The following IDH3B variants were observed in gnomAD, a reference collection of about 807,000 sequenced individuals.
IDH3B encodes the protein isocitrate dehydrogenase (NAD(+)) 3 non-catalytic subunit beta.
IDH3B carries 40 observed loss-of-function variants against 47.5 expected under a neutral mutation model. That is an observed-to-expected ratio of 0.84 (90% CI 0.65 to 1.10). IDH3B has a LOEUF of 1.10. Ranked by LOEUF, IDH3B falls within the 50% of genes least tolerant of loss-of-function variation. The pLI, the probability that IDH3B is intolerant of heterozygous loss-of-function variation, is 0.00. For synonymous variants in IDH3B, 185 were observed against 191.0 expected (o/e 0.97, Z 0.26); for missense variants, 450 against 505.2 (o/e 0.89, Z 1.05).
Position 2,663,922 on chromosome 20 carries a change from T to C in IDH3B, c.117+3A>G, listed in dbSNP as rs1209846459. 2.5e-6 allele frequency: 4 copies of C among 1,613,586 alleles called. No individual in the cohort carries two copies. The highest frequency in any genetic ancestry group is 1.6e-4 in the Middle Eastern group (1 of 6,084). On this transcript the variant is annotated splice_donor_region_variant and intron_variant, in intron 2 of 11. Coordinates refer to ENST00000380843, the MANE Select transcript of IDH3B (RefSeq NM_006899.5). ...GAGAGACCCCAGCCAGATTCGTGCATACCTGGCTCCGCGATGCAGCGTGCG... is the reference window on the plus strand; with the variant it reads ...GAGAGACCCCAGCCAGATTCGTGCACACCTGGCTCCGCGATGCAGCGTGCG...
At chr20:2,661,512 C>T (rs2086948204) in intron 4 of IDH3B, among the ~76,000 whole-genome samples, 1 of 152,014 alleles carries the variant, frequency 6.6e-6, no homozygotes, top group African/African-American at 2.4e-5. Flanking sequence ...AAACGGAGAA[C>T]AGATTTTTTC....
intron 4 of IDH3B, among the ~76,000 whole-genome samples, chr20:2,661,968 G>A (rs2086956207): frequency 6.6e-6 from 1 of 152,180 alleles, no homozygotes; most frequent in Non-Finnish European, 1.5e-5. Flanking sequence ...GGAGAAAAAT[G>A]ATACCGAGAC....
At chr20:2,663,362 A>G in intron 4 of IDH3B, 84 bp downstream of exon 4, 1 of 1,494,134 alleles carries the variant, frequency 6.7e-7, no homozygotes, top group East Asian at 2.3e-5. Context: ...ATAATTGCAT[A>G]GCATGTGGGG....
Position 2,659,515 on chromosome 20 carries a change from C to T in IDH3B, c.1071+10G>A. On this transcript the variant is annotated intron_variant, in intron 11 of 11. Coordinates refer to ENST00000380843, the MANE Select transcript of IDH3B (RefSeq NM_006899.5). ...AAATCCTGAAGCCAGCACTACTCTT[C>T]TCAACTCACCTTGCCAACTTTGATC... 6.2e-7 allele frequency: 1 copy of T among 1,613,956 alleles called. No homozygotes were observed. Among genetic ancestry groups the T allele is most frequent in the Non-Finnish European group, 8.5e-7 (1 of 1,179,776 alleles).
chr20:2,661,498 T>G (rs2093658596), intron 4 of IDH3B, among the ~76,000 whole-genome samples: 1 of 152,168 alleles, frequency 6.6e-6, no homozygotes. Flanking sequence ...ATGTTGAAAC[T>G]TCAAAACGGA....
chr20:2,663,750 G>C lies in IDH3B; in HGVS notation c.126C>G (p.Asp42Glu). Reference protein sequence around the residue: ...AHAASRSQAEDVRVEGSFPVT... With the variant: ...AHAASRSQAEEVRVEGSFPVT... ...CGGGAAAGGAGCCCTCCACCCTCACGTCCTCGGCCTCAATTGGGGGAAGAG... is the reference window on the plus strand; with the variant it reads ...CGGGAAAGGAGCCCTCCACCCTCACCTCCTCGGCCTCAATTGGGGGAAGAG... The change falls in exon 3 of 12, where the codon GAC (aspartate) becomes GAG (glutamate). Residue 42 changes from aspartate to glutamate, a missense_variant. Coordinates refer to ENST00000380843, the MANE Select transcript of IDH3B (RefSeq NM_006899.5). 1 of 1,614,056 alleles carries C rather than the reference G, an allele frequency of 6.2e-7. No homozygotes were observed. The highest frequency in any genetic ancestry group is 8.5e-7 in the Non-Finnish European group (1 of 1,179,976).
In IDH3B at chr20:2,660,404, G is replaced by A. The variant is rs1434593748; in HGVS notation, c.666-39C>T. ...AAAGGGGACAGAATCAGCCAAGAAA[G>A]TACAGGGGCTACCTTCCCAGGAACC... On this transcript the variant is annotated intron_variant, in intron 7 of 11. Coordinates refer to ENST00000380843, the MANE Select transcript of IDH3B (RefSeq NM_006899.5). This position sits in a 1 kb window ranked among gnomAD's most constrained non-coding sequence, Gnocchi z 5.6. The A allele has an allele frequency of 6.2e-7, 1 of 1,614,052 alleles. No individual in the cohort carries two copies. Among genetic ancestry groups the A allele is most frequent in the Admixed American group, 1.7e-5 (1 of 60,020 alleles).
chr20:2,661,729 A>G (rs1197825833), intron 4 of IDH3B, among the ~76,000 whole-genome samples: 1 of 152,216 alleles, frequency 6.6e-6, no homozygotes, highest in Non-Finnish European at 1.5e-5. Flanking sequence ...ACTGGGAAAG[A>G]CAGAAAATAT....
chr20:2,663,149 A>G (rs2146318103), intron 4 of IDH3B, among the ~76,000 whole-genome samples: 1 of 151,942 alleles, frequency 6.6e-6, no homozygotes, highest in Non-Finnish European at 1.5e-5. Flanking sequence ...GAGGGGAAAA[A>G]AAAAAAAAGA....
At position 2,663,575 on chromosome 20, in the gene IDH3B, A is replaced by G; in HGVS notation, c.217-9T>C. On this transcript the variant is annotated splice_polypyrimidine_tract_variant and intron_variant, in intron 3 of 11. Transcript: ENST00000380843. Reference sequence around the variant, plus strand: ...ACTGGGACAGCGGCAGCCTTCAGAGACAGGTTCCCAAAACATCACAGTCAA... The same window carrying G: ...ACTGGGACAGCGGCAGCCTTCAGAGGCAGGTTCCCAAAACATCACAGTCAA... 1 of 1,614,176 alleles carries G rather than the reference A, an allele frequency of 6.2e-7. No individual in the cohort carries two copies. The highest frequency in any genetic ancestry group is 8.5e-7 in the Non-Finnish European group (1 of 1,180,032).
chr20:2,663,659 C>G lies in IDH3B; in HGVS notation c.216+1G>C. 1 of 1,614,228 alleles carries G rather than the reference C, an allele frequency of 6.2e-7. No individual in the cohort carries two copies. The highest frequency in any genetic ancestry group is 8.5e-7 in the Non-Finnish European group (1 of 1,180,036). On this transcript the variant is annotated splice_donor_variant, in intron 3 of 11. Coordinates refer to ENST00000380843, the MANE Select transcript of IDH3B (RefSeq NM_006899.5). LOFTEE classifies it high-confidence loss of function. The stretch of plus-strand genomic sequence containing the variant: ...ACTGTCTGATCCCCGAGGCCACTCA[C>G]CTTGAACACCTCCTTGACGGCGTGC...
chr20:2,658,990 A>G, intron 11 of IDH3B, 153 bp from the exon 12 acceptor site: 1 of 1,474,734 alleles, frequency 6.8e-7, no homozygotes, highest in Admixed American at 2.2e-5. Context: ...CAGGATGGGA[A>G]GCACATGGAC....
At chr20:2,662,956 TAAAAC>T (rs567386572) in intron 4 of IDH3B, among the ~76,000 whole-genome samples, 3 of 146,762 alleles carry the variant, frequency 2.0e-5, no homozygotes, top group Non-Finnish European at 4.5e-5. Context: ...GACTCTGTCT[TAAAAC>T]AAAACAAACA....
Position 2,660,276 on chromosome 20 carries a change from T to G in IDH3B, c.755A>C (p.Asn252Thr). 1 of 1,614,086 alleles carries G rather than the reference T, an allele frequency of 6.2e-7. No homozygotes were observed. Among genetic ancestry groups the G allele is most frequent in the Non-Finnish European group, 8.5e-7 (1 of 1,179,986 alleles). The change falls in exon 8 of 12, where the codon AAC becomes ACC. Residue 252 changes from asparagine to threonine, a missense_variant. Asn to Thr is a moderately conservative substitution (Grantham distance 65, BLOSUM62 0). Transcript: ENST00000380843. This position sits in a 1 kb window ranked among gnomAD's most constrained non-coding sequence, Gnocchi z 5.6. Reference sequence around the variant, plus strand: ...GGGAGGCCTCACCTGCATGCAGCAGTTGTCTATGATCATTGTCTCAAATTT... The same window carrying G: ...GGGAGGCCTCACCTGCATGCAGCAGGTGTCTATGATCATTGTCTCAAATTT... Reference protein sequence around the residue: ...KIKFETMIIDNCCMQLVQNPY... With the variant: ...KIKFETMIIDTCCMQLVQNPY...
At chr20:2,659,264 A>G (rs2086889858) in intron 11 of IDH3B, 1 of 1,449,098 alleles carries the variant, frequency 6.9e-7, no homozygotes, top group Non-Finnish European at 9.0e-7. Flanking sequence ...CAGATGGCCC[A>G]TGAAAAGGGC....
In IDH3B at chr20:2,660,705, C is replaced by T; in HGVS notation, c.523G>A (p.Glu175Lys). 1.2e-6 allele frequency: 2 copies of T among 1,614,182 alleles called. No homozygotes were observed. Among genetic ancestry groups the T allele is most frequent in the Non-Finnish European group, 1.7e-6 (2 of 1,180,036 alleles). Reference protein sequence around the residue: ...EQTEGEYSSLEHESARGVIEC... With the variant: ...EQTEGEYSSLKHESARGVIEC... Reference sequence around the variant, plus strand: ...AGTTTCTGGGGCCTCACCTCATGTTCCAGAGAGCTGTACTCCCCTTCTGTC... The same window carrying T: ...AGTTTCTGGGGCCTCACCTCATGTTTCAGAGAGCTGTACTCCCCTTCTGTC... Residue 175 changes from glutamate to lysine, a missense_variant, in exon 6 of 12, where the codon GAA (glutamate) becomes AAA (lysine). By Grantham distance (56) the Glu-to-Lys change is moderately conservative (BLOSUM62 1). Transcript: ENST00000380843. This position sits in a 1 kb window ranked among gnomAD's most constrained non-coding sequence, Gnocchi z 5.6.
intron 9 of IDH3B, 101 bp downstream of exon 9, chr20:2,659,929 G>T: frequency 2.0e-6 from 3 of 1,528,448 alleles, no homozygotes; most frequent in South Asian, 1.1e-5. Flanking sequence ...CAGCGTGGGG[G>T]AAGAACAGGC....
rs377528381 is a variant in IDH3B, at chr20:2,663,778, G to A, written c.118-20C>T. The A allele has an allele frequency of 2.6e-5, 42 of 1,611,606 alleles. No homozygotes were observed. The African/African-American group carries it at 3.9e-4, about 15-fold the overall frequency. On this transcript the variant is annotated intron_variant, in intron 2 of 11. Coordinates refer to ENST00000380843, the MANE Select transcript of IDH3B (RefSeq NM_006899.5). ...CTCGGCCTCAATTGGGGGAAGAGGG[G>A]AGAAGTAAAGATAGAGCTGGGGCGG...
At chr20:2,658,878 G>T (rs375341819) in intron 11 of IDH3B, 41 bp from the exon 12 acceptor site, 2 of 1,613,292 alleles carry the variant, frequency 1.2e-6, no homozygotes, top group South Asian at 2.2e-5. Flanking sequence ...AGGGAGAAAA[G>T]AGAGCCCATG....
Sources: gnomAD v4.1 joint callset for allele counts (sites outside exome capture counted in the v4.1 genomes callset) on GRCh38, gnomAD v4.1.1 for gene constraint, Gnocchi (gnomAD v3.1) non-coding constraint, MANE v1.5 for transcripts, NCBI Gene and HGNC (gene_info 2026-07-23, HGNC 2026-07-21) for gene names.